MARK3: variants seen among roughly 807,000 people sequenced by gnomAD.
The protein encoded by MARK3 is microtubule affinity regulating kinase 3, also known as MAP/microtubule affinity-regulating kinase 3.
Under a neutral mutation model 90.1 loss-of-function variants are expected in MARK3, and 46 were observed. The ratio of observed to expected loss-of-function variants is 0.51; its 90% CI spans 0.40 to 0.65. The LOEUF is 0.65. MARK3 is among the 30% of genes least tolerant of loss of function. MARK3 has a pLI of 0.00. For missense variants in MARK3, 818 were observed against 947.2 expected (o/e 0.86, Z 1.79); for synonymous variants, 321 against 332.6 (o/e 0.97, Z 0.38).
At chr14:103,449,207 A>G (rs1020452465) in intron 4 of MARK3, among the ~76,000 whole-genome samples, 24 of 151,758 alleles carry the variant, frequency 1.6e-4, no homozygotes, top group African/African-American at 5.8e-4. Context: ...ATAATTTTCT[A>G]ATTTTTAAGT....
intron 2 of MARK3, chr14:103,412,612 C>A: frequency 1.0e-6 from 1 of 995,948 alleles, no homozygotes; most frequent in East Asian, 3.8e-5. Flanking sequence ...TGACGGTGCC[C>A]GAGAAGCGCT....
chr14:103,487,206 C>T (rs987536649), intron 14 of MARK3, among the ~76,000 whole-genome samples: 10 of 151,360 alleles, frequency 6.6e-5, no homozygotes, highest in African/African-American at 2.4e-4. Flanking sequence ...CGTGGGCCAC[C>T]ACGCCCAGCC....
intron 6 of MARK3, chr14:103,458,610 G>C (rs768496907): frequency 1.0e-5 from 5 of 495,058 alleles, no homozygotes; most frequent in Non-Finnish European, 3.6e-6. Context: ...ACGAAGGAAA[G>C]GAGCAGTGCT....
At chr14:103,477,479 G>A (rs750319091) in intron 13 of MARK3, among the ~76,000 whole-genome samples, 2 of 151,756 alleles carry the variant, frequency 1.3e-5, no homozygotes, top group African/African-American at 2.4e-5. Context: ...GTAACAGAGC[G>A]AGACTCCATC....
chr14:103,443,248 T>A (rs2092908051), intron 3 of MARK3, among the ~76,000 whole-genome samples: 1 of 152,204 alleles, frequency 6.6e-6, no homozygotes, highest in South Asian at 2.1e-4. Context: ...CTGGAATTCA[T>A]GATTGAATTC....
intron 7 of MARK3, among the ~76,000 whole-genome samples, chr14:103,462,824 G>T (rs1173169921): frequency 6.6e-6 from 1 of 152,154 alleles, no homozygotes; most frequent in African/African-American, 2.4e-5. Context: ...AGCAGTGCCT[G>T]TTTGAGACCT....
chr14:103,493,258 A>ATTT (rs10678432), intron 15 of MARK3, among the ~76,000 whole-genome samples: 46 of 105,336 alleles, frequency 4.4e-4, no homozygotes, highest in Admixed American at 7.5e-4. Flanking sequence ...TTTTTTTTTA[A>ATTT]TTTTTTTTTT....
intron 12 of MARK3, among the ~76,000 whole-genome samples, chr14:103,470,683 C>T (rs1426524901): frequency 6.6e-6 from 1 of 151,790 alleles, no homozygotes; most frequent in Non-Finnish European, 1.5e-5. Context: ...TCCCGAACTC[C>T]TGAACTCAGG....
At chr14:103,450,769 T>C (rs1274407880) in intron 4 of MARK3, among the ~76,000 whole-genome samples, 1 of 152,066 alleles carries the variant, frequency 6.6e-6, no homozygotes, top group Non-Finnish European at 1.5e-5. Context: ...AACACTAGCA[T>C]ACCCCCCAGT....
chr14:103,412,695 A>G (rs4906322), intron 2 of MARK3: 164,033 of 660,848 alleles, frequency 0.25, 29,881 homozygotes, highest in South Asian at 0.46. Context: ...GGGCACTTTC[A>G]CTGGTTCCCG....
intron 2 of MARK3, among the ~76,000 whole-genome samples, chr14:103,408,842 A>G (rs1359322191): frequency 6.6e-6 from 1 of 152,200 alleles, no homozygotes; most frequent in East Asian, 1.9e-4. Flanking sequence ...TTTTTAGTTA[A>G]GACTCCTTGT....
At chr14:103,448,825 A>G (rs966104589) in intron 3 of MARK3, 94 bp from the exon 4 acceptor site, 38 of 1,258,116 alleles carry the variant, frequency 3.0e-5, no homozygotes, top group Non-Finnish European at 4.2e-5. Context: ...CTGTTATCTA[A>G]GAGAAAAATT....
intron 3 of MARK3, 122 bp from the exon 4 acceptor site, chr14:103,448,797 T>G: frequency 1.0e-6 from 1 of 971,276 alleles, no homozygotes; most frequent in Non-Finnish European, 1.5e-6. Context: ...TATGGATTAA[T>G]AAACATTAGC....
chr14:103,406,431 T>A (rs2091303282), intron 2 of MARK3, among the ~76,000 whole-genome samples: 1 of 150,304 alleles, frequency 6.7e-6, no homozygotes, highest in South Asian at 2.1e-4. Context: ...GAGGTGGGGT[T>A]TCACCATGTT....
At chr14:103,453,045 A>C (rs2093191716) in intron 5 of MARK3, among the ~76,000 whole-genome samples, 1 of 152,252 alleles carries the variant, frequency 6.6e-6, no homozygotes, top group African/African-American at 2.4e-5. Flanking sequence ...CCAAGGCCAG[A>C]AATGATGGTT....
intron 12 of MARK3, among the ~76,000 whole-genome samples, chr14:103,470,077 T>G (rs1472310494): frequency 6.6e-6 from 1 of 150,590 alleles, no homozygotes; most frequent in African/African-American, 2.4e-5. Flanking sequence ...AAAAAAAAAA[T>G]TTGTACTTAA....
At chr14:103,419,208 G>A (rs762633004) in intron 2 of MARK3, among the ~76,000 whole-genome samples, 31 of 152,098 alleles carry the variant, frequency 2.0e-4, no homozygotes, top group African/African-American at 2.9e-4. Flanking sequence ...GGAGAATGGC[G>A]TGAACCCGGG....
intron 1 of MARK3, among the ~76,000 whole-genome samples, chr14:103,399,234 A>T (rs2090782932): frequency 6.6e-6 from 1 of 152,218 alleles, no homozygotes; most frequent in Non-Finnish European, 1.5e-5. Flanking sequence ...AGTGATTTAC[A>T]ATTCATGCTT....
intron 15 of MARK3, among the ~76,000 whole-genome samples, chr14:103,494,255 A>T (rs1201833418): frequency 7.4e-6 from 1 of 134,598 alleles, no homozygotes; most frequent in African/African-American, 2.7e-5. Flanking sequence ...AAAAAAAAAA[A>T]GACTAGCATT....
Sources: gnomAD v4.1 joint callset for allele counts (sites outside exome capture counted in the v4.1 genomes callset) on GRCh38, gnomAD v4.1.1 for gene constraint, MANE v1.5 for transcripts, NCBI Gene and HGNC (gene_info 2026-07-23, HGNC 2026-07-21) for gene names.